Variants in PLEKHA4 observed in about 807,000 individuals in gnomAD.
The protein encoded by PLEKHA4 is pleckstrin homology domain containing A4, also known as pleckstrin homology domain-containing family A member 4.
Under a neutral mutation model 94.7 loss-of-function variants are expected in PLEKHA4, and 73 were observed. The observed-to-expected ratio is 0.77, with a 90% CI of 0.64 to 0.94. The LOEUF (loss-of-function observed/expected upper bound fraction) is 0.94. Among genes scored for constraint, PLEKHA4 ranks in the 40% least tolerant of loss-of-function variants. PLEKHA4 has a pLI of 0.00. For missense variants in PLEKHA4, 1,049 were observed against 1,054.1 expected (o/e 1.00, Z 0.07); for synonymous variants, 449 against 437.1 (o/e 1.03, Z -0.34).
In PLEKHA4 at chr19:48,860,459, C is replaced by A; in HGVS notation, c.367G>T (p.Ala123Ser). 6.2e-7 allele frequency: 1 copy of A among 1,613,188 alleles called. No homozygotes were observed. Among genetic ancestry groups the A allele is most frequent in the South Asian group, 1.1e-5 (1 of 91,050 alleles). Residue 123 changes from alanine to serine, a missense_variant and splice_region_variant, in exon 6 of 20, where the codon GCA (alanine) becomes TCA (serine). Physicochemically the swap from Ala to Ser is moderately conservative, Grantham distance 99. Coordinates refer to ENST00000263265, the MANE Select transcript of PLEKHA4 (RefSeq NM_020904.3). The stretch of plus-strand genomic sequence containing the variant: ...TAGGTCCTCATGCCCGGGTGCTCTG[C>A]CTGCGGGAAGAGAAGGCTTGGAATC... ...APRGRRFTFT[A>S]EHPGMRTYVL...
rs1326881795 is a variant in PLEKHA4, at chr19:48,841,327, C to T, written c.1744-17G>A. 6.3e-6 allele frequency: 10 copies of T among 1,588,628 alleles called. No individual in the cohort carries two copies. The highest frequency in any genetic ancestry group is 8.6e-6 in the Non-Finnish European group (10 of 1,167,922). Reference sequence around the variant, plus strand: ...CACCGGGGCCTAGGGAGGCGAGAAACGTCCCAAGACCCAACCTTTAGGCCA... The same window carrying T: ...CACCGGGGCCTAGGGAGGCGAGAAATGTCCCAAGACCCAACCTTTAGGCCA... On this transcript the variant is annotated splice_polypyrimidine_tract_variant and intron_variant, in intron 16 of 19. Transcript: ENST00000263265.
chr19:48,850,053 A>G (rs1478214525), intron 13 of PLEKHA4, among the ~76,000 whole-genome samples: 1 of 151,864 alleles, frequency 6.6e-6, no homozygotes, highest in Non-Finnish European at 1.5e-5. Context: ...TCTACTAAAA[A>G]TACAAAAATT....
At chr19:48,865,690 C>T (rs1304706963) in intron 2 of PLEKHA4, 80 bp from the exon 3 acceptor site, 4 of 938,634 alleles carry the variant, frequency 4.3e-6, no homozygotes, top group Non-Finnish European at 6.6e-6. Context: ...CACAGGCAAC[C>T]GTAGGCTCTC....
In PLEKHA4 at chr19:48,853,669, C is replaced by G. The variant is rs567049297; in HGVS notation, c.1326+13G>C. On this transcript the variant is annotated intron_variant, in intron 12 of 19. Transcript: ENST00000263265. ...GGCCTCCTAGGAGGGCAGGCCCCTT[C>G]CCAGGTGCTCACCTGAGTCAAGTGA... 9.6e-5 allele frequency: 148 copies of G among 1,535,204 alleles called. 2 individuals carry two copies. The East Asian group carries it at 3.2e-3, about 34-fold the overall frequency.
Position 48,859,130 on chromosome 19 carries a change from G to A in PLEKHA4, c.702C>T (p.Thr234=), listed in dbSNP as rs927311149. 37 of 1,519,088 alleles carry A rather than the reference G, an allele frequency of 2.4e-5. 1 individual carries two copies. In the Admixed American group the frequency reaches 6.2e-4, roughly 26 times the overall value. The allele number at this position is 1,519,088 out of a possible 1,614,324, so 94.1% of individuals were successfully genotyped here. ...GAGGCGAGGGAGGGCGAGAGAGGGG[G>A]GTGAACAGGCTGTGGGAAGGAGAGA... ...MRRARSPDLF[T]PLSRPPSPLS... is the part of the protein sequence containing the mutation. The change falls in exon 8 of 20, where the codon ACC becomes ACT. Residue 234 remains threonine, a synonymous_variant. Coordinates refer to ENST00000263265, the MANE Select transcript of PLEKHA4 (RefSeq NM_020904.3).
chr19:48,866,707 G>A (rs57072775), intron 2 of PLEKHA4, among the ~76,000 whole-genome samples: 88 of 152,312 alleles, frequency 5.8e-4, no homozygotes, highest in African/African-American at 2.0e-3. Flanking sequence ...AGAAGCAGAT[G>A]CCCTTGGCCA....
In PLEKHA4 at chr19:48,837,751, T is replaced by C. The variant is rs891762104; in HGVS notation, c.2078-200A>G. 4.7e-5 allele frequency among the ~76,000 whole-genome samples: 7 copies of C among 149,816 alleles called. No homozygotes were observed. Among genetic ancestry groups the C allele is most frequent in the Non-Finnish European group, 7.4e-5 (5 of 67,518 alleles). ...CCCTCCTCCCTCAGATCCAGGAGTC[T>C]GGATACGCCAGTCCAGTCCTCTTTG... On this transcript the variant is annotated intron_variant, in intron 19 of 19. Coordinates refer to ENST00000263265, the MANE Select transcript of PLEKHA4 (RefSeq NM_020904.3). This position sits in a 1 kb window ranked among gnomAD's most constrained non-coding sequence, Gnocchi z 4.3.
At chr19:48,852,958 C>G (rs2036256743) in intron 12 of PLEKHA4, among the ~76,000 whole-genome samples, 3 of 152,044 alleles carry the variant, frequency 2.0e-5, no homozygotes, top group Admixed American at 2.0e-4. Context: ...AGCACCCACT[C>G]ACCCTGGGGC....
At chr19:48,853,981 C>G (rs779354265) in intron 11 of PLEKHA4, 26 bp downstream of exon 11, 1 of 1,613,660 alleles carries the variant, frequency 6.2e-7, no homozygotes, top group Non-Finnish European at 8.5e-7. Flanking sequence ...GGCCAGGCGC[C>G]CTGTCCTTGG....
intron 14 of PLEKHA4, 120 bp from the exon 15 acceptor site, chr19:48,845,736 C>G (rs1046704515): frequency 3.6e-6 from 3 of 829,694 alleles, no homozygotes; most frequent in Non-Finnish European, 5.3e-6. Context: ...TAAACCAGGC[C>G]GGGCGCAGTG....
intron 6 of PLEKHA4, 32 bp downstream of exon 6, chr19:48,860,318 G>A (rs1270166765): frequency 6.4e-7 from 1 of 1,564,732 alleles, no homozygotes; most frequent in Non-Finnish European, 8.8e-7. Context: ...TCAGGGTGGA[G>A]GGTCAGGAGC....
chr19:48,848,435 G>A (rs1250214036), intron 13 of PLEKHA4, among the ~76,000 whole-genome samples: 10 of 146,386 alleles, frequency 6.8e-5, no homozygotes, highest in African/African-American at 1.0e-4. Flanking sequence ...GCAGTGAGCC[G>A]AGATCCCGCC....
At chr19:48,864,798 T>C (rs2036773744) in intron 3 of PLEKHA4, among the ~76,000 whole-genome samples, 1 of 152,142 alleles carries the variant, frequency 6.6e-6, no homozygotes, top group African/African-American at 2.4e-5. Flanking sequence ...CTAGAATTCC[T>C]AAGCTCAAGC....
intron 2 of PLEKHA4, among the ~76,000 whole-genome samples, chr19:48,865,891 G>A (rs2123193458): frequency 6.6e-6 from 1 of 151,964 alleles, no homozygotes; most frequent in African/African-American, 2.4e-5. Context: ...GCGGGCGCCT[G>A]TAGTCCCAGC....
intron 14 of PLEKHA4, among the ~76,000 whole-genome samples, chr19:48,847,662 G>A (rs561102186): frequency 6.6e-6 from 1 of 152,280 alleles, no homozygotes; most frequent in South Asian, 2.1e-4. Context: ...AACCCAGGAG[G>A]TGGAGGTTGC....
chr19:48,854,428 G>A (rs888481686), intron 9 of PLEKHA4, among the ~76,000 whole-genome samples, 164 bp from the exon 10 acceptor site: 7 of 152,068 alleles, frequency 4.6e-5, no homozygotes, highest in African/African-American at 7.2e-5. Flanking sequence ...GTGTGCAGTC[G>A]TGCGATCATG....
rs28556985 is a variant in PLEKHA4, at chr19:48,847,892, C to T, written c.1566+8G>A. 0.13 allele frequency: 200,207 copies of T among 1,544,946 alleles called. 14,320 individuals are homozygous for T. The highest frequency in any genetic ancestry group is 0.15 in the Non-Finnish European group (168,389 of 1,145,922). On this transcript the variant is annotated splice_region_variant and intron_variant, in intron 14 of 19. Transcript: ENST00000263265. ...GCTTGGGGTGGGGAGGAATTATGTG[C>T]GTCTTACCTCCCTCTCTGAGGACTC...
chr19:48,838,985 G>A (rs1411873246), intron 18 of PLEKHA4, among the ~76,000 whole-genome samples: 1 of 152,010 alleles, frequency 6.6e-6, no homozygotes, highest in Non-Finnish European at 1.5e-5. Context: ...TGATGCAGAA[G>A]TAGGATCTGC....
chr19:48,845,187 A>C (rs917836356), intron 16 of PLEKHA4, 183 bp downstream of exon 16: 6 of 612,480 alleles, frequency 9.8e-6, no homozygotes, highest in Non-Finnish European at 1.7e-5. Flanking sequence ...AGGTTTAATA[A>C]CTGACCCAAA....
Sources: allele counts gnomAD v4.1 joint callset (sites outside exome capture counted in the v4.1 genomes callset), GRCh38; gene constraint gnomAD v4.1.1; non-coding constraint Gnocchi (gnomAD v3.1); transcripts MANE v1.5; gene names NCBI Gene and HGNC (gene_info 2026-07-23, HGNC 2026-07-21).